The following EYS variants were observed in gnomAD, a reference collection of about 807,000 sequenced individuals.
The protein encoded by EYS is protein eyes shut homolog.
In EYS, 250 loss-of-function variants were observed where a neutral mutation model predicts 282.1. The observed-to-expected ratio is 0.89, with a 90% CI of 0.80 to 0.98. The LOEUF (loss-of-function observed/expected upper bound fraction) is 0.98. EYS is among the 50% of genes least tolerant of loss of function. The probability of loss-of-function intolerance (pLI) is 0.00; values close to 1 mark genes in which losing one functional copy is unlikely to be tolerated. For synonymous variants in EYS, 1,355 were observed against 1,282.9 expected (o/e 1.06, Z -1.20); for missense variants, 4,016 against 3,709.0 (o/e 1.08, Z -2.15).
intron 31 of EYS, among the ~76,000 whole-genome samples, chr6:64,212,108 T>C (rs1294633852): frequency 6.6e-6 from 1 of 151,936 alleles, no homozygotes; most frequent in Non-Finnish European, 1.5e-5. Context: ...AGATTGGGAC[T>C]CTGTCTCAAA....
intron 26 of EYS, among the ~76,000 whole-genome samples, chr6:64,525,497 G>A (rs534053918): frequency 1.3e-5 from 2 of 151,398 alleles, no homozygotes; most frequent in Non-Finnish European, 3.0e-5. Flanking sequence ...ACAAAAGGGG[G>A]GCAATAGACA....
chr6:63,741,705 A>C (rs1413243570), intron 41 of EYS, among the ~76,000 whole-genome samples: 1 of 152,086 alleles, frequency 6.6e-6, no homozygotes, highest in African/African-American at 2.4e-5. Context: ...AATTTGTTAG[A>C]TCTGTTGTCA....
intron 31 of EYS, among the ~76,000 whole-genome samples, chr6:64,154,757 C>A (rs1206769176): frequency 6.6e-6 from 1 of 151,998 alleles, no homozygotes; most frequent in Admixed American, 6.6e-5. Flanking sequence ...TGCAGTCATA[C>A]TATTTTACAA....
intron 22 of EYS, among the ~76,000 whole-genome samples, chr6:64,782,873 G>A (rs985845037): frequency 6.6e-6 from 1 of 152,162 alleles, no homozygotes; most frequent in African/African-American, 2.4e-5. Context: ...TACGATTCAA[G>A]TACATTACAG....
chr6:64,864,088 A>C (rs1401436313), intron 19 of EYS, among the ~76,000 whole-genome samples: 2 of 152,098 alleles, frequency 1.3e-5, no homozygotes, highest in East Asian at 3.9e-4. Flanking sequence ...TTTAAAATAT[A>C]TTTTATCCAG....
intron 22 of EYS, among the ~76,000 whole-genome samples, chr6:64,689,156 A>C (rs1770274146): frequency 6.6e-6 from 1 of 152,214 alleles, no homozygotes; most frequent in Non-Finnish European, 1.5e-5. Flanking sequence ...CAAAAATCAC[A>C]AGCATTCCTA....
chr6:65,329,591 A>C (rs1331977655), intron 11 of EYS: 7 of 981,634 alleles, frequency 7.1e-6, no homozygotes, highest in African/African-American at 1.8e-5. Flanking sequence ...TAAAGGTAAA[A>C]ATATACCCAC....
At chr6:64,565,964 A>C (rs970650031) in intron 26 of EYS, among the ~76,000 whole-genome samples, 4 of 151,514 alleles carry the variant, frequency 2.6e-5, no homozygotes, top group African/African-American at 9.7e-5. Flanking sequence ...TTAAAAAAAA[A>C]AAAAACACCA....
At chr6:65,706,824 G>A (rs538176903) in intron 1 of EYS, among the ~76,000 whole-genome samples, 2 of 152,216 alleles carry the variant, frequency 1.3e-5, no homozygotes, top group South Asian at 2.1e-4. Flanking sequence ...GCAATCATAA[G>A]TACTTCATGA....
chr6:65,561,719 C>T (rs765732404), intron 2 of EYS, among the ~76,000 whole-genome samples: 54 of 152,062 alleles, frequency 3.6e-4, no homozygotes, highest in Middle Eastern at 6.8e-3. Flanking sequence ...GGGCTGTCAA[C>T]GGTTTTTCAA....
chr6:64,627,525 T>G (rs2149857973), intron 22 of EYS, among the ~76,000 whole-genome samples: 1 of 152,350 alleles, frequency 6.6e-6, no homozygotes, highest in East Asian at 1.9e-4. Flanking sequence ...TATATAACTT[T>G]ACCAAAGTCA....
At chr6:65,692,698 C>T (rs1769287086) in intron 1 of EYS, among the ~76,000 whole-genome samples, 2 of 149,824 alleles carry the variant, frequency 1.3e-5, no homozygotes, top group Non-Finnish European at 3.0e-5. Flanking sequence ...TCTAACACGA[C>T]ATGTAGTATT....
intron 12 of EYS, among the ~76,000 whole-genome samples, chr6:65,114,492 A>C (rs1322022646): frequency 6.6e-6 from 1 of 151,416 alleles, no homozygotes; most frequent in Non-Finnish European, 1.5e-5. Context: ...TCCATCTCTA[A>C]AGTGATATTT....
In EYS at chr6:65,111,153, G is replaced by A. The variant is rs150603918; in HGVS notation, c.2024-53426C>T. The stretch of plus-strand genomic sequence containing the variant: ...AAAAGAAGACATTTTCAAGATGGAG[G>A]AATGAGTTTTATTTAGCCATTGTTG... On this transcript the variant is annotated intron_variant, in intron 12 of 42. Transcript: ENST00000503581. 6.4e-3 allele frequency among the ~76,000 whole-genome samples: 973 copies of A among 151,976 alleles called. 4 individuals carry two copies. Among genetic ancestry groups the A allele is most frequent in the Non-Finnish European group, 0.011 (719 of 67,938 alleles).
At chr6:64,031,254 G>T (rs1043709416) in intron 33 of EYS, among the ~76,000 whole-genome samples, 5 of 152,190 alleles carry the variant, frequency 3.3e-5, no homozygotes, top group African/African-American at 1.2e-4. Flanking sequence ...CACTCAGAGG[G>T]GCTGGCCGGC....
intron 29 of EYS, among the ~76,000 whole-genome samples, chr6:64,320,585 C>T (rs778283767): frequency 9.3e-5 from 14 of 150,834 alleles, no homozygotes; most frequent in Non-Finnish European, 1.3e-4. Flanking sequence ...CATTTTTCTC[C>T]TATTTTTCTT....
chr6:65,678,890 A>C (rs566222634), intron 1 of EYS, among the ~76,000 whole-genome samples: 1 of 151,958 alleles, frequency 6.6e-6, no homozygotes, highest in South Asian at 2.1e-4. Context: ...AGGAAAAAAC[A>C]GATCAAAACC....
chr6:65,401,079 T>C (rs1011114887), intron 7 of EYS, among the ~76,000 whole-genome samples: 5 of 151,954 alleles, frequency 3.3e-5, no homozygotes, highest in African/African-American at 7.2e-5. Flanking sequence ...ATTTGTACTT[T>C]AGCTCTTCAA....
chr6:64,660,291 G>A (rs1392205035), intron 22 of EYS, among the ~76,000 whole-genome samples: 15 of 151,852 alleles, frequency 9.9e-5, no homozygotes, highest in Admixed American at 3.3e-4. Context: ...TACTGAATGG[G>A]CAAAAACTGG....
Sources: allele counts gnomAD v4.1 joint callset (sites outside exome capture counted in the v4.1 genomes callset), GRCh38; gene constraint gnomAD v4.1.1; transcripts MANE v1.5; gene names NCBI Gene and HGNC (gene_info 2026-07-23, HGNC 2026-07-21).